ZZEF1: variants seen among roughly 807,000 people sequenced by gnomAD.
ZZEF1 encodes zinc finger ZZ-type and EF-hand domain containing 1.
A neutral mutation model predicts 342.8 loss-of-function variants in ZZEF1; 157 were observed. The ratio of observed to expected loss-of-function variants is 0.46; its 90% CI spans 0.40 to 0.52. The LOEUF (loss-of-function observed/expected upper bound fraction) is 0.52. ZZEF1 is among the 20% of genes least tolerant of loss of function. The pLI, the probability that ZZEF1 is intolerant of heterozygous loss-of-function variation, is 0.00. For synonymous variants in ZZEF1, 1,505 were observed against 1,429.1 expected, an observed-to-expected ratio of 1.05 and a Z score of -1.20; for missense variants, 3,480 against 3,725.6, an observed-to-expected ratio of 0.93 and a Z score of 1.72.
chr17:4,087,587 A>C (rs2145365595), intron 13 of ZZEF1, 53 bp from the exon 14 acceptor site: 1 of 1,445,602 alleles, frequency 6.9e-7, no homozygotes, highest in East Asian at 2.3e-5. Context: ...CATTTAGAGA[A>C]ATACTGTAAT....
intron 1 of ZZEF1, among the ~76,000 whole-genome samples, chr17:4,135,291 C>G (rs2058730713): frequency 6.6e-6 from 1 of 152,152 alleles, no homozygotes; most frequent in Admixed American, 6.5e-5. Context: ...GCCTGGGTAA[C>G]ATGATGAAAC....
chr17:4,076,133 C>CTTGCTTTTTTTT (rs2057610999), intron 21 of ZZEF1: 1 of 104,864 alleles, frequency 9.5e-6, no homozygotes, highest in Non-Finnish European at 1.8e-5. Context: ...TCTGCGTCTC[C>CTTGCTTTTTTTT]TTTCTTTTTT....
intron 26 of ZZEF1, among the ~76,000 whole-genome samples, chr17:4,067,827 A>G (rs1019827452): frequency 2.6e-5 from 4 of 152,154 alleles, no homozygotes; most frequent in Non-Finnish European, 5.9e-5. Context: ...TCAAACTCCA[A>G]TCCCAGTGCT....
intron 42 of ZZEF1, among the ~76,000 whole-genome samples, chr17:4,031,534 A>G (rs1026101068): frequency 1.3e-5 from 2 of 152,138 alleles, no homozygotes; most frequent in Non-Finnish European, 2.9e-5. Context: ...TTCATACGCA[A>G]AAGAAAAGAT....
chr17:4,067,883 A>C (rs572949079), intron 26 of ZZEF1, among the ~76,000 whole-genome samples: 3 of 152,276 alleles, frequency 2.0e-5, no homozygotes, highest in Non-Finnish European at 2.9e-5. Flanking sequence ...GCTCGAGACC[A>C]ACCTAGGCAA....
chr17:4,116,717 G>T (rs1307513685), intron 3 of ZZEF1, among the ~76,000 whole-genome samples: 1 of 152,200 alleles, frequency 6.6e-6, no homozygotes, highest in African/African-American at 2.4e-5. Flanking sequence ...CCAGAAGGTG[G>T]GGTAGGGGAG....
rs368769340 is a variant in ZZEF1, at chr17:4,057,976, G to A, written c.5165+18C>T. The stretch of plus-strand genomic sequence containing the variant: ...TAACCTACATTAGGAACTGCAGAGC[G>A]CAGGACCGTGCTCTTACCTGATCAC... On this transcript the variant is annotated intron_variant, in intron 32 of 54. Coordinates refer to ENST00000381638, the MANE Select transcript of ZZEF1 (RefSeq NM_015113.4). The A allele has an allele frequency of 6.2e-6, 10 of 1,611,978 alleles. No individual in the cohort carries two copies. The highest frequency in any genetic ancestry group is 4.4e-5 in the South Asian group (4 of 90,826).
chr17:4,043,798 T>C (rs954789909), intron 38 of ZZEF1, among the ~76,000 whole-genome samples: 2 of 152,192 alleles, frequency 1.3e-5, no homozygotes, highest in Admixed American at 1.3e-4. Flanking sequence ...TCTCTAAAGC[T>C]TTATGAGGAT....
chr17:4,125,001 G>A (rs934312535), intron 1 of ZZEF1, among the ~76,000 whole-genome samples: 22 of 152,150 alleles, frequency 1.4e-4, no homozygotes, highest in Non-Finnish European at 2.9e-4. Context: ...AGCGAATATT[G>A]TCAACCTCAC....
At chr17:4,132,534 T>C (rs1240838940) in intron 1 of ZZEF1, among the ~76,000 whole-genome samples, 3 of 150,188 alleles carry the variant, frequency 2.0e-5, no homozygotes, top group Non-Finnish European at 4.5e-5. Flanking sequence ...CCGTCTCTAC[T>C]AAAAATACAA....
intron 42 of ZZEF1, among the ~76,000 whole-genome samples, chr17:4,025,839 T>C (rs1368688911): frequency 6.6e-6 from 1 of 152,212 alleles, no homozygotes; most frequent in Non-Finnish European, 1.5e-5. Context: ...TATAGGACTA[T>C]GATCCCTGAG....
At chr17:4,092,076 C>CAA (rs764233105) in intron 11 of ZZEF1, among the ~76,000 whole-genome samples, 8,737 of 29,214 alleles carry the variant, frequency 0.3, 345 homozygotes, top group South Asian at 0.45. Flanking sequence ...AACTCCACCT[C>CAA]AAAAAAAAAA....
intron 42 of ZZEF1, among the ~76,000 whole-genome samples, 158 bp from the exon 43 acceptor site, chr17:4,025,276 A>G (rs1228271445): frequency 1.3e-5 from 2 of 151,556 alleles, no homozygotes; most frequent in African/African-American, 4.9e-5. Context: ...GCTTGCAGGT[A>G]AACACAAAAA....
chr17:4,013,970 A>G (rs551247444), intron 51 of ZZEF1, 120 bp downstream of exon 51: 2 of 951,964 alleles, frequency 2.1e-6, no homozygotes, highest in Admixed American at 2.3e-5. Flanking sequence ...ACAAATTTGG[A>G]AAGTGTGAGA....
At chr17:4,015,654 C>T (rs932955011) in intron 49 of ZZEF1, among the ~76,000 whole-genome samples, 114 of 152,280 alleles carry the variant, frequency 7.5e-4, no homozygotes, top group African/African-American at 2.3e-3. Context: ...ATTCCTGCTA[C>T]TAGGGAGGCT....
chr17:4,138,885 A>G (rs1385505273), intron 1 of ZZEF1, among the ~76,000 whole-genome samples: 3 of 152,256 alleles, frequency 2.0e-5, no homozygotes, highest in Admixed American at 6.5e-5. Flanking sequence ...GCAAACTGAG[A>G]GAGTCCCTTC....
At chr17:4,032,030 G>A (rs951277561) in intron 42 of ZZEF1, 96 bp downstream of exon 42, 12 of 1,337,446 alleles carry the variant, frequency 9.0e-6, no homozygotes, top group Non-Finnish European at 1.2e-5. Flanking sequence ...AAAATCACAC[G>A]CAGGCCAAGA....
intron 34 of ZZEF1, among the ~76,000 whole-genome samples, chr17:4,053,683 A>T (rs1355051686): frequency 6.6e-6 from 1 of 152,196 alleles, no homozygotes; most frequent in African/African-American, 2.4e-5. Context: ...CAGCACCTAG[A>T]AGTCAAGTGT....
At chr17:4,099,919 AG>A (rs2058098918) in intron 9 of ZZEF1, among the ~76,000 whole-genome samples, 1 of 12,582 alleles carries the variant, frequency 7.9e-5, no homozygotes, top group African/African-American at 8.8e-5. Context: ...TTTAGATAAC[AG>A]GGAAAAAAAA....
Sources: gnomAD v4.1 joint callset for allele counts (sites outside exome capture counted in the v4.1 genomes callset) on GRCh38, gnomAD v4.1.1 for gene constraint, MANE v1.5 for transcripts, NCBI Gene and HGNC (gene_info 2026-07-23, HGNC 2026-07-21) for gene names.